The following DGKD variants were observed in gnomAD, a reference collection of about 807,000 sequenced individuals.
DGKD encodes diacylglycerol kinase delta, also known as DAG kinase delta.
In DGKD, 68 loss-of-function variants were observed where a neutral mutation model predicts 154.4. That is an observed-to-expected ratio of 0.44 (90% CI 0.36 to 0.54). The LOEUF is 0.54. DGKD is among the 20% of genes least tolerant of loss of function. The probability of loss-of-function intolerance (pLI) is 0.00; values close to 1 mark genes in which losing one functional copy is unlikely to be tolerated. For synonymous variants in DGKD, 693 were observed against 638.0 expected (o/e 1.09, Z -1.30); for missense variants, 1,343 against 1,593.6 (o/e 0.84, Z 2.68).
chr2:233,437,951 A>G lies in DGKD; in HGVS notation c.923-266A>G, dbSNP rs182880770. 1.9e-3 allele frequency among the ~76,000 whole-genome samples: 293 copies of G among 152,334 alleles called. 5 individuals are homozygous for G. Among genetic ancestry groups the G allele is most frequent in the Admixed American group, 0.016 (239 of 15,294 alleles). ...TGGTGGAAAGGGGGATGTGGGGTAC[A>G]TGGCTCAGAGGAGATCAAGAAGAGA... On this transcript the variant is annotated intron_variant, in intron 8 of 29. Transcript: ENST00000264057.
At chr2:233,463,842 C>A in intron 26 of DGKD, 1 of 337,704 alleles carries the variant, frequency 3.0e-6, no homozygotes, top group South Asian at 4.0e-5. Context: ...ACTTTGCTTC[C>A]CACAGCATTT....
In DGKD at chr2:233,449,478, A is replaced by C. The variant is rs1575144965; in HGVS notation, c.1888+102A>C. ...TGACAGAAGGGTGCATGTTGAGAAAACCTCCACTGCGGCCCTCTCCACCCA... is the reference window on the plus strand; with the variant it reads ...TGACAGAAGGGTGCATGTTGAGAAACCCTCCACTGCGGCCCTCTCCACCCA... On this transcript the variant is annotated intron_variant, in intron 15 of 29. Transcript: ENST00000264057. This position sits in a 1 kb window ranked among gnomAD's most constrained non-coding sequence, Gnocchi z 5.3. 6 of 1,426,324 alleles carry C rather than the reference A, an allele frequency of 4.2e-6. No individual in the cohort carries two copies. Among genetic ancestry groups the C allele is most frequent in the East Asian group, 2.5e-5 (1 of 40,096 alleles). 88.4% of individuals were successfully genotyped at this position (1,426,324 alleles called of 1,614,324 possible).
At chr2:233,446,836 A>T (rs777321354) in intron 12 of DGKD, 40 bp downstream of exon 12, 14 of 1,609,236 alleles carry the variant, frequency 8.7e-6, no homozygotes, top group Non-Finnish European at 1.1e-5. Context: ...TCGCATGCTG[A>T]TGTGATCAGA....
intron 3 of DGKD, among the ~76,000 whole-genome samples, chr2:233,411,327 A>T (rs1204615885): frequency 6.6e-6 from 1 of 152,226 alleles, no homozygotes; most frequent in East Asian, 1.9e-4. Flanking sequence ...AGAGAGTTCC[A>T]GTTGCTCCAC....
chr2:233,470,872 G>A lies in DGKD; in HGVS notation c.*1412G>A, dbSNP rs978225798. The A allele has an allele frequency of 2.0e-5, 3 of 146,666 alleles. No homozygotes were observed. The highest frequency in any genetic ancestry group is 4.6e-5 in the Non-Finnish European group (3 of 65,442). The allele number at this position is 146,666 out of a possible 1,614,324, so 9.1% of individuals were successfully genotyped here. ...GTGGCTTCTCTTTGGCTCCCAAAGA[G>A]AAGGACAGTGTTGGGAGTATCTGCC... On this transcript the variant is annotated 3_prime_UTR_variant, in exon 30 of 30. Coordinates refer to ENST00000264057, the MANE Select transcript of DGKD (RefSeq NM_152879.3).
intron 3 of DGKD, among the ~76,000 whole-genome samples, chr2:233,404,432 G>C (rs762561407): frequency 3.9e-5 from 6 of 152,182 alleles, no homozygotes; most frequent in Admixed American, 1.3e-4. Context: ...GCCCAGGAGA[G>C]GGTGCAGTTT....
Position 233,460,175 on chromosome 2 carries a change from T to C in DGKD, c.2830-19T>C, listed in dbSNP as rs2290464. ...CATGCTTCAGAGCAGCAGGTGTAATTGGGCTTTCGGGTCCATAGGCATTTG... is the reference window on the plus strand; with the variant it reads ...CATGCTTCAGAGCAGCAGGTGTAATCGGGCTTTCGGGTCCATAGGCATTTG... On this transcript the variant is annotated intron_variant, in intron 23 of 29. Transcript: ENST00000264057. 332,601 of 1,611,996 alleles carry C rather than the reference T, an allele frequency of 0.21. 43,244 individuals are homozygous for C. Among genetic ancestry groups the C allele is most frequent in the African/African-American group, 0.65 (48,834 of 74,602 alleles).
At chr2:233,454,038 G>T (rs1305198364) in intron 18 of DGKD, among the ~76,000 whole-genome samples, 1 of 152,258 alleles carries the variant, frequency 6.6e-6, no homozygotes, top group Non-Finnish European at 1.5e-5. Flanking sequence ...GGTGCTGCTG[G>T]TGGAGTGTAA....
intron 12 of DGKD, 98 bp from the exon 13 acceptor site, chr2:233,447,989 C>T: frequency 6.3e-7 from 1 of 1,576,936 alleles, no homozygotes; most frequent in Non-Finnish European, 8.6e-7. Flanking sequence ...TCTTTCCCAG[C>T]TTGTGCTGGC....
chr2:233,373,035 T>C (rs1056078026), intron 1 of DGKD, among the ~76,000 whole-genome samples: 1 of 152,164 alleles, frequency 6.6e-6, no homozygotes, highest in South Asian at 2.1e-4. Context: ...ATAAAATGGG[T>C]ACTGCGGGCG....
In DGKD at chr2:233,434,752, T is replaced by C; in HGVS notation, c.454-17T>C. On this transcript the variant is annotated splice_polypyrimidine_tract_variant and intron_variant, in intron 4 of 29. Coordinates refer to ENST00000264057, the MANE Select transcript of DGKD (RefSeq NM_152879.3). ...AAGAGAAGTCTTATCTTTGCCCTCT[T>C]GGTTTCGTTCTTCCAGCCCACCCAG... 1 of 1,599,814 alleles carries C rather than the reference T, an allele frequency of 6.3e-7. No individual in the cohort carries two copies. The highest frequency in any genetic ancestry group is 8.5e-7 in the Non-Finnish European group (1 of 1,173,002).
chr2:233,367,748 C>T (rs180705126), intron 1 of DGKD, among the ~76,000 whole-genome samples: 20 of 152,200 alleles, frequency 1.3e-4, no homozygotes, highest in Admixed American at 9.2e-4. Flanking sequence ...TGTGCTCTAC[C>T]GCATCCCACT....
At chr2:233,461,549 A>AC (rs2063645981) in intron 24 of DGKD, among the ~76,000 whole-genome samples, 1 of 151,470 alleles carries the variant, frequency 6.6e-6, no homozygotes, top group Non-Finnish European at 1.5e-5. Context: ...TCTCTCCCCC[A>AC]CCCCACCCAG....
chr2:233,444,587 C>T (rs1457112911), intron 10 of DGKD, among the ~76,000 whole-genome samples: 1 of 149,870 alleles, frequency 6.7e-6, no homozygotes, highest in African/African-American at 2.5e-5. Context: ...CTTTAAGGCT[C>T]CAGGAAGCCC....
At chr2:233,371,747 T>C (rs1702334613) in intron 1 of DGKD, among the ~76,000 whole-genome samples, 1 of 152,222 alleles carries the variant, frequency 6.6e-6, no homozygotes, top group Admixed American at 6.5e-5. Flanking sequence ...TCATTCTTCC[T>C]GTGTGGATGT....
chr2:233,369,298 AT>A (rs1702195556), intron 1 of DGKD, among the ~76,000 whole-genome samples: 1 of 151,938 alleles, frequency 6.6e-6, no homozygotes, highest in Non-Finnish European at 1.5e-5. Flanking sequence ...TGTAATGTAC[AT>A]TTTTCCCTTT....
At chr2:233,370,471 C>A (rs1702254055) in intron 1 of DGKD, among the ~76,000 whole-genome samples, 1 of 152,072 alleles carries the variant, frequency 6.6e-6, no homozygotes. Context: ...ACCGCCCTGG[C>A]CTCCCAAAGT....
chr2:233,411,354 G>C (rs1195351706), intron 3 of DGKD, among the ~76,000 whole-genome samples: 4 of 152,222 alleles, frequency 2.6e-5, no homozygotes, highest in African/African-American at 9.6e-5. Flanking sequence ...ACCAACACTT[G>C]GTGTGATCAG....
intron 1 of DGKD, among the ~76,000 whole-genome samples, chr2:233,378,333 AC>A (rs1019264528): frequency 4.0e-5 from 6 of 151,408 alleles, no homozygotes; most frequent in African/African-American, 1.5e-4. Context: ...AATTGCTTGA[AC>A]TGGGGAGGCA....
Sources: gnomAD v4.1 joint callset for allele counts (sites outside exome capture counted in the v4.1 genomes callset) on GRCh38, gnomAD v4.1.1 for gene constraint, Gnocchi (gnomAD v3.1) non-coding constraint, MANE v1.5 for transcripts, NCBI Gene and HGNC (gene_info 2026-07-23, HGNC 2026-07-21) for gene names.